TRPV3: variants seen among roughly 807,000 people sequenced by gnomAD.
The protein encoded by TRPV3 is VRL-3.
Under a neutral mutation model 87.1 loss-of-function variants are expected in TRPV3, and 88 were observed. That is an observed-to-expected ratio of 1.01 (90% CI 0.85 to 1.21). TRPV3 has a LOEUF of 1.21. TRPV3 is among the 50% of genes most tolerant of loss of function. The pLI is 0.00. For missense variants in TRPV3, 1,054 were observed against 1,030.1 expected, an observed-to-expected ratio of 1.02 and a Z score of -0.32; for synonymous variants, 438 against 423.3, an observed-to-expected ratio of 1.03 and a Z score of -0.43.
intron 6 of TRPV3, among the ~76,000 whole-genome samples, chr17:3,536,192 T>G (rs1243951390): frequency 6.6e-6 from 1 of 152,008 alleles, no homozygotes; most frequent in African/African-American, 2.4e-5. Context: ...AGGGCCAGAG[T>G]CACAGACGGC....
rs961604330 is a variant in TRPV3 at position 3,514,479 on chromosome 17, A to G, written c.2278+114T>C. On this transcript the variant is annotated intron_variant, in intron 17 of 17. Transcript: ENST00000576742. ...TGGAAGAGACCTAAGAAGCATTTCC[A>G]TTCAACCCTCCCATTTGACAGATGG... The G allele has an allele frequency of 4.0e-6, 3 of 745,174 alleles. No homozygotes were observed. The South Asian group carries it at 4.8e-5, about 12-fold the overall frequency. The allele number at this position is 745,174 out of a possible 1,614,324, so 46.2% of individuals were successfully genotyped here. A position where few individuals can be genotyped will look rare whatever the true frequency, so the allele number is the denominator to read the frequency against.
chr17:3,555,153 C>A lies in TRPV3; in HGVS notation c.-2-301G>T, dbSNP rs2074615459. Among the ~76,000 whole-genome samples the A allele has an allele frequency of 2.6e-5, 4 of 152,146 alleles. No homozygotes were observed. The South Asian group carries it at 8.3e-4, about 32-fold the overall frequency. ...ATGACACCCTCCCCAGCCAACCAGT[C>A]CCCAGGTGGACCCCTGAACTAGTGG... On this transcript the variant is annotated intron_variant, in intron 1 of 17. Transcript: ENST00000576742.
At chr17:3,515,304 G>A (rs9909424) in intron 16 of TRPV3, among the ~76,000 whole-genome samples, 114,244 of 152,024 alleles carry the variant, frequency 0.75, 46,191 homozygotes, top group South Asian at 0.89. Context: ...GTCATACTCC[G>A]AGAAGGTGGT....
chr17:3,555,622 T>C (rs1286489924), intron 1 of TRPV3, among the ~76,000 whole-genome samples: 6 of 151,980 alleles, frequency 3.9e-5, no homozygotes, highest in Non-Finnish European at 8.8e-5. Flanking sequence ...CAATGTGGGC[T>C]GGGCACCGTG....
rs146728389 is a variant in TRPV3 at position 3,554,759 on chromosome 17, G to A, written c.92C>T (p.Pro31Leu). Reference sequence around the variant, plus strand: ...CTTCTTTGTGGGGGTGATCTCCGCCGGCCTCTTCTCTGGCAGGATGGCAGG... The same window carrying A: ...CTTCTTTGTGGGGGTGATCTCCGCCAGCCTCTTCTCTGGCAGGATGGCAGG... The part of the protein sequence containing the change: ...GNPAILPEKR[P>L]AEITPTKKSA... The change falls in exon 2 of 18, where the codon CCG (proline) becomes CTG (leucine). Residue 31 changes from proline to leucine, a missense_variant. Physicochemically the swap from Pro to Leu is moderately conservative, Grantham distance 98. Transcript: ENST00000576742. 3.3e-5 allele frequency: 54 copies of A among 1,612,526 alleles called. No individual in the cohort carries two copies. The highest frequency in any genetic ancestry group is 1.1e-4 in the East Asian group (5 of 44,832).
rs1006752159 is a variant in TRPV3 at position 3,518,063 on chromosome 17, C to G, written c.2085+513G>C. On this transcript the variant is annotated intron_variant, in intron 15 of 17. Transcript: ENST00000576742. The surrounding 1 kb of genome is among the most constrained non-coding windows in gnomAD (Gnocchi z 4.3). Reference sequence around the variant, plus strand: ...CGAACTCTTGACCTCAGGTGATCCACCCGCTTCGGCCTTCCAAAGTGCTAA... The same window carrying G: ...CGAACTCTTGACCTCAGGTGATCCAGCCGCTTCGGCCTTCCAAAGTGCTAA... 1.3e-5 allele frequency among the ~76,000 whole-genome samples: 2 copies of G among 152,070 alleles called. No homozygotes were observed. Among genetic ancestry groups the G allele is most frequent in the Non-Finnish European group, 2.9e-5 (2 of 68,008 alleles).
Position 3,518,843 on chromosome 17 carries a change from G to A in TRPV3, c.1818C>T (p.Ala606=). The change falls in exon 15 of 18, where the codon GCC becomes GCT. Residue 606 remains alanine, a synonymous_variant. Coordinates refer to ENST00000576742, the MANE Select transcript of TRPV3 (RefSeq NM_145068.4). This position sits in a 1 kb window ranked among gnomAD's most constrained non-coding sequence, Gnocchi z 4.3. The part of the protein sequence containing the change: ...VFLLGFGVAL[A]SLIEKCPKDN... ...CTTTGGGACACTTCTCGATCAGCGAGGCCAAGGCTAAGGGAACATAACAGG... is the reference window on the plus strand; with the variant it reads ...CTTTGGGACACTTCTCGATCAGCGAAGCCAAGGCTAAGGGAACATAACAGG... 1 of 1,613,386 alleles carries A rather than the reference G, an allele frequency of 6.2e-7. No homozygotes were observed. The highest frequency in any genetic ancestry group is 1.1e-5 in the South Asian group (1 of 90,956).
At chr17:3,542,843 C>T (rs2074480868) in intron 5 of TRPV3, 145 bp from the exon 6 acceptor site, 8 of 816,422 alleles carry the variant, frequency 9.8e-6, no homozygotes, top group Non-Finnish European at 1.5e-5. Context: ...GGCCGCTCTC[C>T]TCCCTCTCCA....
At chr17:3,521,912 C>T (rs902584798) in intron 13 of TRPV3, among the ~76,000 whole-genome samples, 1 of 151,960 alleles carries the variant, frequency 6.6e-6, no homozygotes, top group Admixed American at 6.6e-5. Context: ...CCCGTCTCTA[C>T]TAAAAATACA....
At chr17:3,551,758 C>A (rs1443912918) in intron 2 of TRPV3, among the ~76,000 whole-genome samples, 1 of 151,968 alleles carries the variant, frequency 6.6e-6, no homozygotes, top group East Asian at 1.9e-4. Context: ...CAGGAGCACT[C>A]CCAGGTCCAA....
At chr17:3,522,554 C>A (rs899523437) in intron 13 of TRPV3, among the ~76,000 whole-genome samples, 1 of 148,580 alleles carries the variant, frequency 6.7e-6, no homozygotes, top group Admixed American at 6.7e-5. Flanking sequence ...TTTGTTGATT[C>A]CCCCCCCCAC....
Position 3,543,941 on chromosome 17 carries a change from T to C in TRPV3, c.312-313A>G, listed in dbSNP as rs554513646. Among the ~76,000 whole-genome samples the C allele has an allele frequency of 2.6e-5, 4 of 152,214 alleles. No individual in the cohort carries two copies. In the South Asian group the frequency reaches 8.3e-4, roughly 32 times the overall value. On this transcript the variant is annotated intron_variant, in intron 4 of 17. Coordinates refer to ENST00000576742, the MANE Select transcript of TRPV3 (RefSeq NM_145068.4). The stretch of plus-strand genomic sequence containing the variant: ...TTATGTTGTTTGAACTTTTAAAATC[T>C]ATCCTTCCCTGTCCTCCCACTCCAG...
At chr17:3,534,151 A>G (rs1050905235) in intron 7 of TRPV3, among the ~76,000 whole-genome samples, 25 of 152,132 alleles carry the variant, frequency 1.6e-4, no homozygotes, top group Non-Finnish European at 2.8e-4. Context: ...TATGCAGGGC[A>G]ATGGGGACAC....
chr17:3,542,375 C>T (rs2074471824), intron 6 of TRPV3, 147 bp downstream of exon 6: 3 of 868,778 alleles, frequency 3.5e-6, no homozygotes, highest in South Asian at 3.7e-5. Context: ...GAGAGGGTTG[C>T]CTGAAGCATC....
chr17:3,531,901 T>C (rs1027930777), intron 8 of TRPV3, among the ~76,000 whole-genome samples: 1 of 151,990 alleles, frequency 6.6e-6, no homozygotes, highest in Admixed American at 6.6e-5. Flanking sequence ...GGGAGGCGGG[T>C]ACCCTGAGGC....
At chr17:3,550,478 C>A (rs1361485674) in intron 2 of TRPV3, among the ~76,000 whole-genome samples, 1 of 151,212 alleles carries the variant, frequency 6.6e-6, no homozygotes, top group Non-Finnish European at 1.5e-5. Flanking sequence ...CGGCTGCTTG[C>A]TCACCAGCTC....
intron 2 of TRPV3, chr17:3,553,915 C>T (rs1274669004): frequency 6.6e-6 from 1 of 152,498 alleles, no homozygotes; most frequent in Non-Finnish European, 1.5e-5. Context: ...ACCCCGGGTT[C>T]AAGGGACGCA....
In TRPV3 at chr17:3,532,885, C is replaced by A. The variant is rs1388358678; in HGVS notation, c.837G>T (p.Gln279His). 6.2e-7 allele frequency: 1 copy of A among 1,614,248 alleles called. No homozygotes were observed. Among genetic ancestry groups the A allele is most frequent in the Non-Finnish European group, 8.5e-7 (1 of 1,180,040 alleles). ...AACTNQPEIVQLLMEHEQTDI... is the reference protein window; with the variant it reads ...AACTNQPEIVHLLMEHEQTDI... ...CCGTCTGCTCGTGCTCCATCAGCAG[C>A]TGCACAATCTCGGGCTGGTTGGTGC... Residue 279 changes from glutamine to histidine, a missense_variant, in exon 8 of 18, where the codon CAG (glutamine) becomes CAT (histidine). Physicochemically the swap from Gln to His is conservative, Grantham distance 24. Transcript: ENST00000576742.
intron 8 of TRPV3, among the ~76,000 whole-genome samples, chr17:3,531,641 C>T (rs930596707): frequency 2.0e-5 from 3 of 152,156 alleles, no homozygotes; most frequent in Non-Finnish European, 2.9e-5. Flanking sequence ...GGACAGCACC[C>T]GCCACAGTGG....
Sources: allele counts gnomAD v4.1 joint callset (sites outside exome capture counted in the v4.1 genomes callset), GRCh38; gene constraint gnomAD v4.1.1; non-coding constraint Gnocchi (gnomAD v3.1); transcripts MANE v1.5; gene names NCBI Gene and HGNC (gene_info 2026-07-23, HGNC 2026-07-21).